Variants in COL4A1 observed in about 807,000 individuals in gnomAD.
COL4A1 encodes collagen alpha-1(IV) chain.
Under a neutral mutation model 216.6 loss-of-function variants are expected in COL4A1, and 40 were observed. That is an observed-to-expected ratio of 0.18 (90% CI 0.14 to 0.24). COL4A1 has a LOEUF of 0.24. Ranked by LOEUF, COL4A1 falls within the 10% of genes least tolerant of loss-of-function variation. COL4A1 has a pLI of 1.00. For synonymous variants in COL4A1, 839 were observed against 810.7 expected (o/e 1.03, Z -0.59); for missense variants, 1,628 against 2,196.8 (o/e 0.74, Z 5.18).
chr13:110,176,276 C>A (rs1175847698), intron 36 of COL4A1, 148 bp downstream of exon 36: 1 of 704,858 alleles, frequency 1.4e-6, no homozygotes, highest in Non-Finnish European at 2.6e-6. Context: ...AGCAGGAGAC[C>A]ATTCAGAGCT....
intron 39 of COL4A1, among the ~76,000 whole-genome samples, chr13:110,174,220 G>T (rs546651077): frequency 2.0e-5 from 3 of 152,158 alleles, no homozygotes; most frequent in Non-Finnish European, 4.4e-5. Flanking sequence ...AAAACTCCAT[G>T]ATGGCCACAA....
chr13:110,161,414 A>G (rs751436877), intron 48 of COL4A1, 45 bp from the exon 49 acceptor site: 1 of 1,558,722 alleles, frequency 6.4e-7, no homozygotes, highest in Non-Finnish European at 8.7e-7. Flanking sequence ...TTTATAATTC[A>G]CAATCTATCT....
chr13:110,230,159 T>C (rs75245338), intron 2 of COL4A1, among the ~76,000 whole-genome samples: 4,942 of 151,766 alleles, frequency 0.033, 241 homozygotes, highest in African/African-American at 0.11. Flanking sequence ...CTGAAGAAAG[T>C]GCGTGTGTGT....
Position 110,169,694 on chromosome 13 carries a change from G to A in COL4A1, c.3811C>T (p.Pro1271Ser). ...IDGVKGDKGN[P>S]GWPGAPGVPG... Reference sequence around the variant, plus strand: ...ACACCGGGTGCTCCTGGCCAGCCTGGATTTCCTTTGTCACCTTTAACTCCA... The same window carrying A: ...ACACCGGGTGCTCCTGGCCAGCCTGAATTTCCTTTGTCACCTTTAACTCCA... The change falls in exon 43 of 52, where the codon CCA becomes TCA. Residue 1271 changes from proline to serine, a missense_variant. This residue lies in a region of COL4A1 where 345 missense variants were observed against 476.9 expected (regional missense o/e 0.72). Coordinates refer to ENST00000375820, the MANE Select transcript of COL4A1 (RefSeq NM_001845.6). 6.2e-7 allele frequency: 1 copy of A among 1,614,116 alleles called. No individual in the cohort carries two copies. Among genetic ancestry groups the A allele is most frequent in the Non-Finnish European group, 8.5e-7 (1 of 1,180,042 alleles).
chr13:110,274,486 G>A (rs2139293181), intron 1 of COL4A1, among the ~76,000 whole-genome samples: 1 of 152,264 alleles, frequency 6.6e-6, no homozygotes, highest in African/African-American at 2.4e-5. Context: ...CCTTTGGTGT[G>A]TCTTTGAGCA....
intron 1 of COL4A1, among the ~76,000 whole-genome samples, chr13:110,296,864 T>G (rs1225636520): frequency 6.6e-6 from 1 of 152,186 alleles, no homozygotes; most frequent in African/African-American, 2.4e-5. Flanking sequence ...ACCCTTATGT[T>G]TACTGATTTA....
intron 29 of COL4A1, among the ~76,000 whole-genome samples, chr13:110,179,712 T>G (rs777089878): frequency 6.6e-6 from 1 of 152,172 alleles, no homozygotes; most frequent in Non-Finnish European, 1.5e-5. Flanking sequence ...GACCTGAGCT[T>G]GTCCCCTCAA....
intron 43 of COL4A1, among the ~76,000 whole-genome samples, chr13:110,168,673 G>A (rs575006715): frequency 6.6e-6 from 1 of 152,234 alleles, no homozygotes; most frequent in Non-Finnish European, 1.5e-5. Flanking sequence ...TGTCTCTGCT[G>A]CTGATGAGCA....
chr13:110,163,680 G>A (rs1185473249), intron 46 of COL4A1, 119 bp from the exon 47 acceptor site: 19 of 989,680 alleles, frequency 1.9e-5, no homozygotes, highest in Middle Eastern at 2.5e-4. Flanking sequence ...CACTGCAGAT[G>A]AGAACGTTTT....
chr13:110,180,084 G>T (rs1357023869), intron 29 of COL4A1, among the ~76,000 whole-genome samples: 3 of 152,196 alleles, frequency 2.0e-5, no homozygotes, highest in Non-Finnish European at 4.4e-5. Context: ...AGAGAGGGAG[G>T]ATTTGGACAT....
chr13:110,295,571 G>A (rs1485071829), intron 1 of COL4A1, among the ~76,000 whole-genome samples: 13 of 151,572 alleles, frequency 8.6e-5, no homozygotes, highest in East Asian at 1.9e-4. Context: ...GATTACAGGC[G>A]CCCGCCACCA....
chr13:110,221,616 G>A (rs1880481173), intron 2 of COL4A1, among the ~76,000 whole-genome samples: 1 of 152,156 alleles, frequency 6.6e-6, no homozygotes, highest in Admixed American at 6.5e-5. Flanking sequence ...TGATGAAAGT[G>A]GAGACTCACT....
intron 12 of COL4A1, among the ~76,000 whole-genome samples, chr13:110,208,007 G>A (rs984473965): frequency 6.6e-6 from 1 of 152,192 alleles, no homozygotes; most frequent in African/African-American, 2.4e-5. Context: ...CAAAATCTTG[G>A]GTGGCAAGCA....
At chr13:110,299,710 G>A (rs1420249758) in intron 1 of COL4A1, among the ~76,000 whole-genome samples, 1 of 152,180 alleles carries the variant, frequency 6.6e-6, no homozygotes, top group East Asian at 1.9e-4. Flanking sequence ...AAAGTCGTGT[G>A]CACGTCTGAC....
At chr13:110,221,759 A>G (rs1366848600) in intron 2 of COL4A1, among the ~76,000 whole-genome samples, 1 of 152,256 alleles carries the variant, frequency 6.6e-6, no homozygotes, top group Non-Finnish European at 1.5e-5. Context: ...ACTCCAAAGC[A>G]GTACTCCGTT....
Position 110,161,231 on chromosome 13 carries a change from G to T in COL4A1, c.4601C>A (p.Ala1534Glu), listed in dbSNP as rs1877070377. 6.2e-7 allele frequency: 1 copy of T among 1,614,214 alleles called. No individual in the cohort carries two copies. The highest frequency in any genetic ancestry group is 1.3e-5 in the African/African-American group (1 of 75,042). ...TCTTATGTTTTCCCCCGTGATGGGT[G>T]CCATTGACATGGGCATGGGCTCAGG... Reference protein sequence around the residue: ...STPEPMPMSMAPITGENIRPF... With the variant: ...STPEPMPMSMEPITGENIRPF... Residue 1534 changes from alanine to glutamate, a missense_variant, in exon 49 of 52, where the codon GCA (alanine) becomes GAA (glutamate). Physicochemically the swap from Ala to Glu is moderately radical, Grantham distance 107. Transcript: ENST00000375820.
Position 110,186,428 on chromosome 13 carries a change from T to A in COL4A1, c.1854A>T (p.Gly618=). The change falls in exon 26 of 52, where the codon GGA becomes GGT. Residue 618 remains glycine, a synonymous_variant. Transcript: ENST00000375820. Reference sequence around the variant, plus strand: ...CAGGGCCTCCAGGAAAGCCTGCTTGTCCTTTGTCACCAATGGGACCAGCAG... The same window carrying A: ...CAGGGCCTCCAGGAAAGCCTGCTTGACCTTTGTCACCAATGGGACCAGCAG... The part of the protein sequence containing the change: ...YGPAGPIGDK[G]QAGFPGGPGS... The A allele has an allele frequency of 6.2e-7, 1 of 1,613,752 alleles. No homozygotes were observed. Among genetic ancestry groups the A allele is most frequent in the Admixed American group, 1.7e-5 (1 of 60,032 alleles).
At position 110,207,359 on chromosome 13, in the gene COL4A1, C is replaced by T. The variant is rs868052555; in HGVS notation, c.780+44G>A. The T allele has an allele frequency of 1.2e-5, 19 of 1,530,824 alleles. No individual in the cohort carries two copies. The Middle Eastern group carries it at 3.2e-3, about 259-fold the overall frequency. The allele number at this position is 1,530,824 out of a possible 1,614,324, so 94.8% of individuals were successfully genotyped here. ...TTTCTCTTTATCTTTTGGAATTTGT[C>T]CAAAATTAGAAAATCAGTATTCACT... On this transcript the variant is annotated intron_variant, in intron 13 of 51. Coordinates refer to ENST00000375820, the MANE Select transcript of COL4A1 (RefSeq NM_001845.6). This position sits in a 1 kb window ranked among gnomAD's most constrained non-coding sequence, Gnocchi z 4.4.
intron 48 of COL4A1, among the ~76,000 whole-genome samples, chr13:110,161,726 A>G (rs1182111244): frequency 6.6e-6 from 1 of 152,268 alleles, no homozygotes; most frequent in Non-Finnish European, 1.5e-5. Flanking sequence ...AAGGCAGAGA[A>G]AATTAAAACA....
Sources: gnomAD v4.1 joint callset for allele counts (sites outside exome capture counted in the v4.1 genomes callset) on GRCh38, gnomAD v4.1.1 for gene constraint, gnomAD v4.1.1 regional missense constraint, Gnocchi (gnomAD v3.1) non-coding constraint, MANE v1.5 for transcripts, NCBI Gene and HGNC (gene_info 2026-07-23, HGNC 2026-07-21) for gene names.